Variants in ERBB4 observed in about 807,000 individuals in gnomAD.
ERBB4 encodes the protein receptor tyrosine-protein kinase erbB-4.
A neutral mutation model predicts 158.0 loss-of-function variants in ERBB4; 42 were observed. The ratio of observed to expected loss-of-function variants is 0.27; its 90% CI spans 0.21 to 0.34. The LOEUF is 0.34. Among genes scored for constraint, ERBB4 ranks in the 10% least tolerant of loss-of-function variants. The probability of loss-of-function intolerance (pLI) is 1.00; values close to 1 mark genes in which losing one functional copy is unlikely to be tolerated. For missense variants in ERBB4, 1,333 were observed against 1,624.1 expected, an observed-to-expected ratio of 0.82 and a Z score of 3.08; for synonymous variants, 583 against 558.7, an observed-to-expected ratio of 1.04 and a Z score of -0.61.
intron 3 of ERBB4, among the ~76,000 whole-genome samples, chr2:211,837,801 A>G (rs565546338): frequency 4.4e-4 from 67 of 152,250 alleles, no homozygotes; most frequent in African/African-American, 1.4e-3. Flanking sequence ...TTTTCTGTGG[A>G]TAATATATTA....
At chr2:211,790,153 A>G (rs1160705494) in intron 3 of ERBB4, among the ~76,000 whole-genome samples, 1 of 152,078 alleles carries the variant, frequency 6.6e-6, no homozygotes, top group Admixed American at 6.6e-5. Context: ...TTAAGTTTTT[A>G]TCTACGAAAT....
chr2:211,450,280 G>T (rs2064212646), intron 20 of ERBB4, among the ~76,000 whole-genome samples: 1 of 152,138 alleles, frequency 6.6e-6, no homozygotes, highest in Admixed American at 6.5e-5. Context: ...GCAGGATCTT[G>T]GAGGCCAGGC....
intron 1 of ERBB4, among the ~76,000 whole-genome samples, chr2:212,353,686 G>A (rs2089350286): frequency 6.6e-6 from 1 of 152,060 alleles, no homozygotes; most frequent in Non-Finnish European, 1.5e-5. Context: ...AATACATTTA[G>A]TAGTACAGTG....
intron 1 of ERBB4, among the ~76,000 whole-genome samples, chr2:212,185,717 T>A (rs2081997433): frequency 1.3e-5 from 2 of 152,166 alleles, no homozygotes; most frequent in South Asian, 4.1e-4. Context: ...TTGGGAGAAG[T>A]CTGGCCCAAA....
chr2:212,190,255 A>T (rs375741337), intron 1 of ERBB4, among the ~76,000 whole-genome samples: 19 of 152,270 alleles, frequency 1.2e-4, no homozygotes, highest in African/African-American at 4.3e-4. Context: ...AAATGGGGGC[A>T]GCTGGGCGCG....
intron 1 of ERBB4, among the ~76,000 whole-genome samples, chr2:212,300,592 A>G (rs1201804618): frequency 6.6e-6 from 1 of 151,550 alleles, no homozygotes; most frequent in Non-Finnish European, 1.5e-5. Context: ...AAACTAAGAA[A>G]GCAGTAAATC....
At chr2:211,689,562 C>T (rs527421316) in intron 12 of ERBB4, among the ~76,000 whole-genome samples, 7 of 152,068 alleles carry the variant, frequency 4.6e-5, no homozygotes, top group East Asian at 3.9e-4. Context: ...TGAATGACTT[C>T]GCACTAATTT....
intron 19 of ERBB4, among the ~76,000 whole-genome samples, chr2:211,569,663 G>C (rs2067655987): frequency 6.6e-6 from 1 of 152,170 alleles, no homozygotes; most frequent in African/African-American, 2.4e-5. Context: ...TACTTGGAAA[G>C]AGCATTCAAG....
At chr2:211,677,996 A>G (rs1379198278) in intron 13 of ERBB4, among the ~76,000 whole-genome samples, 1 of 152,212 alleles carries the variant, frequency 6.6e-6, no homozygotes, top group Admixed American at 6.5e-5. Context: ...ATGAAGGACA[A>G]GAATGATGCA....
chr2:211,893,094 A>T (rs1238178944), intron 3 of ERBB4, among the ~76,000 whole-genome samples: 1 of 146,228 alleles, frequency 6.8e-6, no homozygotes, highest in Non-Finnish European at 1.5e-5. Context: ...AAGAGCCCGC[A>T]TCGCCAAGTC....
At chr2:211,921,480 G>C (rs555438824) in intron 3 of ERBB4, among the ~76,000 whole-genome samples, 1 of 152,110 alleles carries the variant, frequency 6.6e-6, no homozygotes, top group East Asian at 1.9e-4. Context: ...TCTAAAACTC[G>C]AGTTAGAAAA....
At chr2:212,403,632 G>A (rs2091269039) in intron 1 of ERBB4, among the ~76,000 whole-genome samples, 2 of 151,958 alleles carry the variant, frequency 1.3e-5, no homozygotes, top group African/African-American at 4.8e-5. Flanking sequence ...GCCAGTCATA[G>A]AAAAACAAAT....
intron 1 of ERBB4, among the ~76,000 whole-genome samples, chr2:212,389,419 T>C (rs2090782899): frequency 6.6e-6 from 1 of 152,066 alleles, no homozygotes; most frequent in Non-Finnish European, 1.5e-5. Flanking sequence ...CCTGAAAATA[T>C]GATATCAAAA....
In ERBB4 at chr2:211,913,525, C is replaced by T. The variant is rs147950751; in HGVS notation, c.421+33905G>A. 3.3e-5 allele frequency among the ~76,000 whole-genome samples: 5 copies of T among 151,882 alleles called. No homozygotes were observed. In the East Asian group the frequency reaches 9.7e-4, roughly 30 times the overall value. ...CTGAAGCAGGAGAATCGCTCGAACTCGGGAGGTGGAGGTTGCAGTGAGCCA... is the reference window on the plus strand; with the variant it reads ...CTGAAGCAGGAGAATCGCTCGAACTTGGGAGGTGGAGGTTGCAGTGAGCCA... On this transcript the variant is annotated intron_variant, in intron 3 of 27. Transcript: ENST00000342788.
At chr2:211,586,408 T>C (rs1290777554) in intron 19 of ERBB4, among the ~76,000 whole-genome samples, 1 of 152,184 alleles carries the variant, frequency 6.6e-6, no homozygotes, top group Non-Finnish European at 1.5e-5. Context: ...TTGTATAACA[T>C]CATTCAAAAT....
intron 1 of ERBB4, among the ~76,000 whole-genome samples, chr2:212,151,003 C>T (rs921558678): frequency 6.6e-6 from 1 of 151,992 alleles, no homozygotes; most frequent in African/African-American, 2.4e-5. Flanking sequence ...TAACTCGGTA[C>T]CCACCTTGCA....
chr2:211,560,872 T>G (rs1453521670), intron 20 of ERBB4, among the ~76,000 whole-genome samples: 1 of 152,166 alleles, frequency 6.6e-6, no homozygotes, highest in Non-Finnish European at 1.5e-5. Flanking sequence ...TCAAATTTCT[T>G]TTTTCTATAA....
chr2:211,874,082 T>C (rs1229874853), intron 3 of ERBB4, among the ~76,000 whole-genome samples: 2 of 152,068 alleles, frequency 1.3e-5, no homozygotes, highest in African/African-American at 4.8e-5. Flanking sequence ...AGAGAATCAC[T>C]TGAGGCTGGG....
At chr2:212,070,252 T>C (rs888118524) in intron 2 of ERBB4, among the ~76,000 whole-genome samples, 76 of 152,076 alleles carry the variant, frequency 5.0e-4, no homozygotes, top group African/African-American at 1.6e-3. Context: ...TAAAGGCATA[T>C]GTTTTTTAAA....
Sources: gnomAD v4.1 joint callset for allele counts (sites outside exome capture counted in the v4.1 genomes callset) on GRCh38, gnomAD v4.1.1 for gene constraint, MANE v1.5 for transcripts, NCBI Gene and HGNC (gene_info 2026-07-23, HGNC 2026-07-21) for gene names.